CDH20: variants seen among roughly 807,000 people sequenced by gnomAD.
CDH20 encodes cadherin 20, also known as cadherin-20.
In CDH20, 29 loss-of-function variants were observed where a neutral mutation model predicts 74.2. The observed-to-expected ratio is 0.39, with a 90% CI of 0.29 to 0.53. The LOEUF is 0.53. CDH20 is among the 20% of genes least tolerant of loss of function. The pLI, the probability that CDH20 is intolerant of heterozygous loss-of-function variation, is 0.69. For missense variants in CDH20, 988 were observed against 1,048.3 expected, an observed-to-expected ratio of 0.94 and a Z score of 0.79; for synonymous variants, 469 against 405.4, an observed-to-expected ratio of 1.16 and a Z score of -1.88.
chr18:61,528,275 T>C (rs1912509744), intron 7 of CDH20, 55 bp downstream of exon 7: 1 of 1,561,298 alleles, frequency 6.4e-7, no homozygotes, highest in East Asian at 2.3e-5. Flanking sequence ...CCTTCCCTTG[T>C]ATGTAATTTT....
Position 61,552,121 on chromosome 18 carries a change from CAACAA to C in CDH20, c.1900+1895_1900+1899del, listed in dbSNP as rs377087443. On this transcript the variant is annotated intron_variant, in intron 11 of 11. Transcript: ENST00000262717. ...ACTTTAAGATTTGACTTGCATTTGTCAACAAAATACTATATTTTATAGACAACTAA... is the reference window on the plus strand; with the variant it reads ...ACTTTAAGATTTGACTTGCATTTGTCAATACTATATTTTATAGACAACTAA... Among the ~76,000 whole-genome samples the C allele has an allele frequency of 2.4e-4, 37 of 151,930 alleles. No individual in the cohort carries two copies. In the South Asian group the frequency reaches 7.5e-3, roughly 31 times the overall value.
chr18:61,476,690 C>T (rs1442907952), intron 1 of CDH20, among the ~76,000 whole-genome samples: 1 of 152,132 alleles, frequency 6.6e-6, no homozygotes, highest in Non-Finnish European at 1.5e-5. Flanking sequence ...CAAAACTAGG[C>T]TGGTTTCTGA....
At chr18:61,442,820 T>C (rs1909076144) in intron 1 of CDH20, among the ~76,000 whole-genome samples, 1 of 152,114 alleles carries the variant, frequency 6.6e-6, no homozygotes, top group Non-Finnish European at 1.5e-5. Context: ...CAGTAATTCA[T>C]CTCTGAGCAG....
intron 1 of CDH20, among the ~76,000 whole-genome samples, chr18:61,431,890 A>G (rs1347280223): frequency 6.6e-6 from 1 of 152,016 alleles, no homozygotes; most frequent in Admixed American, 6.6e-5. Flanking sequence ...GACAGTCCTG[A>G]TTCCTGTCTG....
intron 1 of CDH20, among the ~76,000 whole-genome samples, chr18:61,469,590 C>A (rs183594197): frequency 6.6e-6 from 1 of 152,102 alleles, no homozygotes; most frequent in African/African-American, 2.4e-5. Context: ...TGTATGTGAC[C>A]CTCAAGCAAA....
At chr18:61,472,969 G>A (rs1187943087) in intron 1 of CDH20, among the ~76,000 whole-genome samples, 4 of 152,206 alleles carry the variant, frequency 2.6e-5, no homozygotes, top group Non-Finnish European at 4.4e-5. Context: ...AGTTTCCACC[G>A]TGGGTTAAGA....
intron 1 of CDH20, among the ~76,000 whole-genome samples, chr18:61,334,781 C>T (rs1909699077): frequency 2.0e-5 from 3 of 152,094 alleles, no homozygotes; most frequent in African/African-American, 7.2e-5. Flanking sequence ...TAGTACCAGA[C>T]AATCGGGGAG....
At chr18:61,391,360 A>T (rs1911773307) in intron 1 of CDH20, among the ~76,000 whole-genome samples, 1 of 152,164 alleles carries the variant, frequency 6.6e-6, no homozygotes, top group Non-Finnish European at 1.5e-5. Context: ...ATGCACTATT[A>T]GTGAGAGAAT....
At chr18:61,335,858 G>C (rs1169922865) in intron 1 of CDH20, among the ~76,000 whole-genome samples, 1 of 152,214 alleles carries the variant, frequency 6.6e-6, no homozygotes, top group Non-Finnish European at 1.5e-5. Flanking sequence ...AAATGGAAAA[G>C]GAAAGTACAA....
intron 1 of CDH20, among the ~76,000 whole-genome samples, chr18:61,381,286 TA>T (rs1180307859): frequency 1.3e-5 from 2 of 152,228 alleles, no homozygotes; most frequent in Non-Finnish European, 2.9e-5. Context: ...CAAGCAGATT[TA>T]AAGGTATGTA....
intron 1 of CDH20, among the ~76,000 whole-genome samples, chr18:61,390,260 T>C (rs1408288555): frequency 6.6e-6 from 1 of 152,182 alleles, no homozygotes; most frequent in Non-Finnish European, 1.5e-5. Context: ...CATATAGTGA[T>C]TTAGTGAAAT....
At chr18:61,451,799 T>C (rs1210464071) in intron 1 of CDH20, among the ~76,000 whole-genome samples, 2 of 152,092 alleles carry the variant, frequency 1.3e-5, no homozygotes, top group African/African-American at 4.8e-5. Flanking sequence ...CTGAAAAGTT[T>C]ACATACTTTT....
chr18:61,483,364 GC>G (rs1403573707), intron 1 of CDH20, among the ~76,000 whole-genome samples: 2 of 152,136 alleles, frequency 1.3e-5, no homozygotes, highest in East Asian at 3.9e-4. Flanking sequence ...GCATTGAGAG[GC>G]TCCGGTGAAA....
At chr18:61,447,399 G>A (rs112045016) in intron 1 of CDH20, among the ~76,000 whole-genome samples, 273 of 152,282 alleles carry the variant, frequency 1.8e-3, no homozygotes, top group African/African-American at 6.0e-3. Context: ...ATGGTTATGC[G>A]GGGAAGATAT....
chr18:61,488,594 A>G (rs966926320), intron 1 of CDH20, among the ~76,000 whole-genome samples: 5 of 152,360 alleles, frequency 3.3e-5, no homozygotes, highest in African/African-American at 9.6e-5. Flanking sequence ...AGATAGAACC[A>G]GTAACCAAAC....
intron 8 of CDH20, among the ~76,000 whole-genome samples, chr18:61,538,473 C>G (rs1912883807): frequency 6.6e-6 from 1 of 151,962 alleles, no homozygotes; most frequent in Non-Finnish European, 1.5e-5. Context: ...CTTCTCATGT[C>G]CGGCCACACT....
At chr18:61,421,782 A>T (rs1815560363) in intron 1 of CDH20, among the ~76,000 whole-genome samples, 1 of 152,202 alleles carries the variant, frequency 6.6e-6, no homozygotes, top group South Asian at 2.1e-4. Flanking sequence ...ATAATAAACC[A>T]GATGGATAGA....
chr18:61,547,589 C>A (rs1913295658), intron 10 of CDH20, among the ~76,000 whole-genome samples: 1 of 152,096 alleles, frequency 6.6e-6, no homozygotes, highest in African/African-American at 2.4e-5. Context: ...TTATTAATCC[C>A]TCTGATTCTT....
intron 1 of CDH20, among the ~76,000 whole-genome samples, chr18:61,422,929 T>C (rs1230117253): frequency 6.6e-6 from 1 of 152,174 alleles, no homozygotes; most frequent in South Asian, 2.1e-4. Flanking sequence ...CTTTTGACTA[T>C]GTTTATAACG....
Sources: gnomAD v4.1 joint callset for allele counts (sites outside exome capture counted in the v4.1 genomes callset) on GRCh38, gnomAD v4.1.1 for gene constraint, MANE v1.5 for transcripts, NCBI Gene and HGNC (gene_info 2026-07-23, HGNC 2026-07-21) for gene names.